FAT1: variants seen among roughly 807,000 people sequenced by gnomAD.
The protein encoded by FAT1 is FAT atypical cadherin 1.
In FAT1, 171 loss-of-function variants were observed where a neutral mutation model predicts 329.8. The ratio of observed to expected loss-of-function variants is 0.52; its 90% CI spans 0.46 to 0.59. The LOEUF (loss-of-function observed/expected upper bound fraction) is 0.59. Ranked by LOEUF, FAT1 falls within the 20% of genes least tolerant of loss-of-function variation. The probability of loss-of-function intolerance (pLI) is 0.00; values close to 1 mark genes in which losing one functional copy is unlikely to be tolerated. For synonymous variants in FAT1, 2,233 were observed against 2,228.6 expected (o/e 1.00, Z -0.06); for missense variants, 5,672 against 5,774.4 (o/e 0.98, Z 0.57).
chr4:186,617,721 T>A lies in FAT1; in HGVS notation c.8865A>T (p.Thr2955=). The change falls in exon 10 of 27, where the codon ACA becomes ACT. Residue 2955 remains threonine (T), a synonymous_variant. Coordinates refer to ENST00000441802, the MANE Select transcript of FAT1 (RefSeq NM_005245.4). The part of the protein sequence containing the change: ...ADSEEINRQV[T]YFITGGDPLG... ...AATTTTTTTTACCTGTTATGAAATA[T>A]GTAACTTGTCTGTTGATCTCTTCAG... 2 of 1,570,588 alleles carry A rather than the reference T, an allele frequency of 1.3e-6. No homozygotes were observed. The highest frequency in any genetic ancestry group is 1.7e-6 in the Non-Finnish European group (2 of 1,160,236).
intron 9 of FAT1, among the ~76,000 whole-genome samples, chr4:186,625,762 C>T (rs1274585173): frequency 6.6e-6 from 1 of 152,268 alleles, no homozygotes; most frequent in Non-Finnish European, 1.5e-5. Flanking sequence ...TGAGCAGGAA[C>T]ATCCTAAAGC....
chr4:186,620,450 C>G lies in FAT1; in HGVS notation c.6136G>C (p.Ala2046Pro), dbSNP rs770056983. ...GTCACTTCTACAACCACATCAAACGCCTCCTGCTGCTCACGATCGAAGGGC... is the reference window on the plus strand; with the variant it reads ...GTCACTTCTACAACCACATCAAACGGCTCCTGCTGCTCACGATCGAAGGGC... ...GTPFDREQQEAFDVVVEVTEE... is the reference protein window; with the variant it reads ...GTPFDREQQEPFDVVVEVTEE... The change falls in exon 10 of 27, where the codon GCG becomes CCG. Residue 2046 changes from alanine to proline, a missense_variant. This residue lies in a region of FAT1 where 3,966 missense variants were observed against 3,915.2 expected (regional missense o/e 1.01). Transcript: ENST00000441802. The G allele has an allele frequency of 6.2e-7, 1 of 1,614,030 alleles. No homozygotes were observed. The highest frequency in any genetic ancestry group is 8.5e-7 in the Non-Finnish European group (1 of 1,179,904).
At chr4:186,696,728 A>C (rs1156322158) in intron 2 of FAT1, among the ~76,000 whole-genome samples, 2 of 152,216 alleles carry the variant, frequency 1.3e-5, no homozygotes, top group Non-Finnish European at 2.9e-5. Context: ...AAGTCCATTT[A>C]AATAAAAATT....
At chr4:186,592,215 C>T (rs923952388) in intron 26 of FAT1, among the ~76,000 whole-genome samples, 21 of 152,210 alleles carry the variant, frequency 1.4e-4, no homozygotes, top group African/African-American at 5.1e-4. Context: ...TAAAGCTTCA[C>T]ATTAAATAAT....
chr4:186,636,660 T>C lies in FAT1; in HGVS notation c.3897A>G (p.Lys1299=), dbSNP rs756065136. The change falls in exon 5 of 27, where the codon AAA becomes AAG. Residue 1299 remains lysine, a synonymous_variant. Transcript: ENST00000441802. ...YSIEDGNEHG[K]FFIEPKTGVV... is the part of the protein sequence containing the mutation. ...CTCCAGTTTTCGGTTCGATGAAAAA[T>C]TTGCCATGCTCATTCCCGTCTTCGA... 2 of 1,613,812 alleles carry C rather than the reference T, an allele frequency of 1.2e-6. No individual in the cohort carries two copies. Among genetic ancestry groups the C allele is most frequent in the Non-Finnish European group, 1.7e-6 (2 of 1,179,876 alleles).
intron 3 of FAT1, among the ~76,000 whole-genome samples, chr4:186,651,042 A>ACTATTATTAAATAATTAT (rs1553993903): frequency 1.4e-5 from 2 of 147,326 alleles, no homozygotes; most frequent in East Asian, 3.9e-4. Flanking sequence ...TAATTTATTT[A>ACTATTATTAAATAATTAT]CTATTATTAA....
At position 186,596,626 on chromosome 4, in the gene FAT1, G is replaced by A. The variant is rs780722653; in HGVS notation, c.12914C>T (p.Ala4305Val). 39 of 1,610,696 alleles carry A rather than the reference G, an allele frequency of 2.4e-5. No homozygotes were observed. Among genetic ancestry groups the A allele is most frequent in the Middle Eastern group, 1.6e-4 (1 of 6,062 alleles). ...AGGGGGTGGGGGAGGCAGGTTTGGC[G>A]CCACGCTGCAGACCGCCACTGCTTT... ...HRKAVAVCSV[A>V]PNLPPPPPSN... The change falls in exon 25 of 27, where the codon GCG becomes GTG. Residue 4305 changes from alanine to valine, a missense_variant. Ala to Val is a moderately conservative substitution (Grantham distance 64). This residue lies in a region of FAT1 where 1,706 missense variants were observed against 1,859.1 expected (regional missense o/e 0.92). Coordinates refer to ENST00000441802, the MANE Select transcript of FAT1 (RefSeq NM_005245.4). The surrounding 1 kb of genome is among the most constrained non-coding windows in gnomAD (Gnocchi z 4.7).
At chr4:186,722,969 C>A (rs1745527350) in intron 1 of FAT1, among the ~76,000 whole-genome samples, 1 of 152,068 alleles carries the variant, frequency 6.6e-6, no homozygotes, top group African/African-American at 2.4e-5. Context: ...GTCCTTGTTT[C>A]CAAAGCCTTG....
At chr4:186,714,688 A>C (rs1279705881) in intron 1 of FAT1, among the ~76,000 whole-genome samples, 1 of 152,188 alleles carries the variant, frequency 6.6e-6, no homozygotes, top group Non-Finnish European at 1.5e-5. Flanking sequence ...AGGAAAGGGA[A>C]CCACAGCATA....
At chr4:186,703,671 G>T (rs772736320) in intron 2 of FAT1, among the ~76,000 whole-genome samples, 10 of 152,344 alleles carry the variant, frequency 6.6e-5, no homozygotes, top group Non-Finnish European at 1.2e-4. Flanking sequence ...GACCCTGGTG[G>T]ACATGGGCAA....
chr4:186,657,341 TGA>T (rs1741951998), intron 3 of FAT1, among the ~76,000 whole-genome samples: 1 of 152,204 alleles, frequency 6.6e-6, no homozygotes, highest in South Asian at 2.1e-4. Context: ...AAAACATGCA[TGA>T]GTCTCAAAAT....
At chr4:186,688,834 T>C (rs1014340781) in intron 2 of FAT1, among the ~76,000 whole-genome samples, 1 of 151,876 alleles carries the variant, frequency 6.6e-6, no homozygotes, top group Non-Finnish European at 1.5e-5. Flanking sequence ...TGTGGCAGGG[T>C]AGGTTTTCAT....
intron 10 of FAT1, 102 bp from the exon 11 acceptor site, chr4:186,617,303 T>A: frequency 2.4e-6 from 2 of 837,756 alleles, no homozygotes; most frequent in Non-Finnish European, 3.5e-6. Flanking sequence ...TGTTATAGTT[T>A]AAAAGAATTG....
chr4:186,724,652 G>A (rs1223338511), upstream of FAT1, among the ~76,000 whole-genome samples: 1 of 152,206 alleles, frequency 6.6e-6, no homozygotes, highest in Non-Finnish European at 1.5e-5. The surrounding 1 kb of genome is among the most constrained non-coding windows in gnomAD (Gnocchi z 5.3). Flanking sequence ...AGAACTCCCC[G>A]CGCCGGGCGC....
chr4:186,669,319 C>G (rs534921188), intron 2 of FAT1, among the ~76,000 whole-genome samples: 4 of 152,194 alleles, frequency 2.6e-5, no homozygotes, highest in Non-Finnish European at 5.9e-5. Context: ...TCGCCACTCC[C>G]GTCAGGAGGT....
At chr4:186,681,788 C>T (rs1383444022) in intron 2 of FAT1, among the ~76,000 whole-genome samples, 2 of 152,154 alleles carry the variant, frequency 1.3e-5, no homozygotes, top group Non-Finnish European at 2.9e-5. Context: ...TTTTATAAAA[C>T]GTTTCAAAGT....
At position 186,588,671 on chromosome 4, in the gene FAT1, T is replaced by G. The variant is rs766805655; in HGVS notation, c.13688A>C (p.Asp4563Ala). The change falls in exon 27 of 27, where the codon GAC (aspartate) becomes GCC (alanine). Residue 4563 changes from aspartate (D) to alanine (A), a missense_variant. Coordinates refer to ENST00000441802, the MANE Select transcript of FAT1 (RefSeq NM_005245.4). ...CEVESEVMMS[D>A]YESGDDGHFE... ...GTGGCCGTCGTCCCCGCTCTCATAG[T>G]CACTCATCATGACCTCGGACTCCAC... The G allele has an allele frequency of 1.2e-6, 2 of 1,613,932 alleles. No individual in the cohort carries two copies. The highest frequency in any genetic ancestry group is 1.7e-6 in the Non-Finnish European group (2 of 1,179,884).
Position 186,663,555 on chromosome 4 carries a change from T to C in FAT1, c.3324A>G (p.Thr1108=). The C allele has an allele frequency of 6.2e-7, 1 of 1,613,370 alleles. No homozygotes were observed. Among genetic ancestry groups the C allele is most frequent in the Non-Finnish European group, 8.5e-7 (1 of 1,179,890 alleles). The change falls in exon 3 of 27, where the codon ACA becomes ACG. Residue 1108 remains threonine, a synonymous_variant. Coordinates refer to ENST00000441802, the MANE Select transcript of FAT1 (RefSeq NM_005245.4). ...DRESTSHYWL[T]VFATDQGVVP... Reference sequence around the variant, plus strand: ...CGACACCCTGATCGGTTGCAAAGACTGTTAGCCAATAATGGGAGGTCGATT... The same window carrying C: ...CGACACCCTGATCGGTTGCAAAGACCGTTAGCCAATAATGGGAGGTCGATT...
rs146852854 is a variant in FAT1 at position 186,599,058 on chromosome 4, G to A, written c.12103+840C>T. Among the ~76,000 whole-genome samples the A allele has an allele frequency of 1.8e-4, 28 of 152,296 alleles. No individual in the cohort carries two copies. The Middle Eastern group carries it at 0.014, about 74-fold the overall frequency. The stretch of plus-strand genomic sequence containing the variant: ...ACTCCTGCTTCGGGACCATGGGAGT[G>A]CATGTCAGGAAAGCACCTCTCTCAG... On this transcript the variant is annotated intron_variant, in intron 22 of 26. Transcript: ENST00000441802.
Sources: allele counts gnomAD v4.1 joint callset (sites outside exome capture counted in the v4.1 genomes callset), GRCh38; gene constraint gnomAD v4.1.1; regional missense constraint gnomAD v4.1.1; non-coding constraint Gnocchi (gnomAD v3.1); transcripts MANE v1.5; gene names NCBI Gene and HGNC (gene_info 2026-07-23, HGNC 2026-07-21).